The following PTPRD variants were observed in gnomAD, a reference collection of about 807,000 sequenced individuals.
PTPRD encodes the protein receptor-type tyrosine-protein phosphatase delta.
Under a neutral mutation model 214.5 loss-of-function variants are expected in PTPRD, and 34 were observed. That is an observed-to-expected ratio of 0.16 (90% CI 0.12 to 0.21). The LOEUF (loss-of-function observed/expected upper bound fraction) is 0.21. Ranked by LOEUF, PTPRD falls within the 10% of genes least tolerant of loss-of-function variation. The pLI is 1.00. For synonymous variants in PTPRD, 1,128 were observed against 845.7 expected, an observed-to-expected ratio of 1.33 and a Z score of -5.79; for missense variants, 2,545 against 2,398.7, an observed-to-expected ratio of 1.06 and a Z score of -1.27.
At chr9:9,853,781 T>G (rs9299101) in intron 5 of PTPRD, among the ~76,000 whole-genome samples, 1 of 151,936 alleles carries the variant, frequency 6.6e-6, no homozygotes, top group African/African-American at 2.4e-5. Context: ...TGGTCTCAAT[T>G]TCTTGACCTC....
chr9:8,788,530 C>T (rs946102229), intron 11 of PTPRD, among the ~76,000 whole-genome samples: 5 of 152,056 alleles, frequency 3.3e-5, no homozygotes, highest in African/African-American at 9.7e-5. Context: ...CCACCTCAGC[C>T]TCCCAAAGTG....
chr9:8,327,357 T>A (rs200358520), intron 44 of PTPRD, among the ~76,000 whole-genome samples: 42 of 143,490 alleles, frequency 2.9e-4, no homozygotes, highest in Admixed American at 7.7e-4. Context: ...TTTTTTTTTT[T>A]AAATCTTGAG....
At chr9:9,147,065 A>G (rs1486688148) in intron 10 of PTPRD, among the ~76,000 whole-genome samples, 1 of 152,176 alleles carries the variant, frequency 6.6e-6, no homozygotes, top group Non-Finnish European at 1.5e-5. Context: ...AATTGGAATA[A>G]TAAGTTAGTA....
chr9:8,403,712 G>C (rs1346232336), intron 36 of PTPRD, among the ~76,000 whole-genome samples: 1 of 152,136 alleles, frequency 6.6e-6, no homozygotes, highest in Non-Finnish European at 1.5e-5. Context: ...AATTCTAAGA[G>C]GCAGATTACC....
chr9:8,459,264 A>G (rs1380785249), intron 33 of PTPRD, among the ~76,000 whole-genome samples: 1 of 151,956 alleles, frequency 6.6e-6, no homozygotes, highest in East Asian at 1.9e-4. Flanking sequence ...AAATGAAGAT[A>G]CTCTTTTTAG....
chr9:9,880,632 T>C (rs765560502), intron 5 of PTPRD, among the ~76,000 whole-genome samples: 4 of 152,182 alleles, frequency 2.6e-5, no homozygotes, highest in Non-Finnish European at 5.9e-5. Flanking sequence ...TGGGACTCTG[T>C]GTGTGTTGTG....
intron 2 of PTPRD, among the ~76,000 whole-genome samples, chr9:10,398,501 T>C (rs1255658479): frequency 6.6e-6 from 1 of 151,974 alleles, no homozygotes; most frequent in Non-Finnish European, 1.5e-5. Context: ...TCTAGTGAAT[T>C]ATTAAAACTG....
chr9:8,478,866 A>G (rs1234595620), intron 30 of PTPRD, among the ~76,000 whole-genome samples: 2 of 152,238 alleles, frequency 1.3e-5, no homozygotes, highest in Non-Finnish European at 2.9e-5. Context: ...GTTAAGGAGT[A>G]GGGGCCAAGA....
At chr9:10,386,339 C>G (rs769900593) in intron 2 of PTPRD, among the ~76,000 whole-genome samples, 1 of 151,858 alleles carries the variant, frequency 6.6e-6, no homozygotes, top group African/African-American at 2.4e-5. Flanking sequence ...TCTTCTCATT[C>G]TCTCATATTT....
At chr9:10,056,858 A>G (rs955851853) in intron 3 of PTPRD, among the ~76,000 whole-genome samples, 2 of 152,200 alleles carry the variant, frequency 1.3e-5, no homozygotes, top group Non-Finnish European at 2.9e-5. Context: ...GCACAGAAGC[A>G]GGGACTTGCA....
chr9:9,384,582 C>T (rs564789562), intron 9 of PTPRD, among the ~76,000 whole-genome samples: 1 of 151,420 alleles, frequency 6.6e-6, no homozygotes, highest in South Asian at 2.1e-4. Flanking sequence ...CTAATTAAGC[C>T]AACTCCTAAA....
intron 11 of PTPRD, among the ~76,000 whole-genome samples, chr9:8,763,371 G>A (rs2094521953): frequency 6.6e-6 from 1 of 151,672 alleles, no homozygotes; most frequent in African/African-American, 2.4e-5. Flanking sequence ...AAAATTAGCT[G>A]GGTATGGTGG....
chr9:8,398,928 G>C (rs1441290178), intron 36 of PTPRD, among the ~76,000 whole-genome samples: 2 of 152,022 alleles, frequency 1.3e-5, no homozygotes, highest in East Asian at 1.9e-4. Flanking sequence ...ATTTTACTAA[G>C]CTTTTTAAAA....
At chr9:9,967,405 C>G (rs902111642) in intron 4 of PTPRD, among the ~76,000 whole-genome samples, 1 of 152,174 alleles carries the variant, frequency 6.6e-6, no homozygotes, top group African/African-American at 2.4e-5. Flanking sequence ...CAGTAAGCCT[C>G]TTCCCATCCT....
chr9:10,483,984 A>C (rs1317424591), intron 2 of PTPRD, among the ~76,000 whole-genome samples: 1 of 152,172 alleles, frequency 6.6e-6, no homozygotes, highest in African/African-American at 2.4e-5. Flanking sequence ...TGTATATCGC[A>C]GTAAAATTCA....
At chr9:9,689,392 G>C (rs1025281408) in intron 7 of PTPRD, among the ~76,000 whole-genome samples, 4 of 151,736 alleles carry the variant, frequency 2.6e-5, no homozygotes, top group African/African-American at 9.7e-5. Context: ...TGATATATAA[G>C]AGATGCACAT....
chr9:9,869,128 A>G (rs1368816410), intron 5 of PTPRD, among the ~76,000 whole-genome samples: 3 of 152,162 alleles, frequency 2.0e-5, no homozygotes, highest in African/African-American at 7.2e-5. Flanking sequence ...TGGAGGTAAA[A>G]TGAGGACAGA....
At chr9:8,485,185 T>A (rs1565190899) in intron 29 of PTPRD, 42 bp downstream of exon 29, 1 of 1,545,428 alleles carries the variant, frequency 6.5e-7, no homozygotes. Context: ...CTGTCCCCTC[T>A]ACTTTTATCT....
chr9:9,803,840 T>C (rs1275154166), intron 5 of PTPRD: 1 of 151,962 alleles, frequency 6.6e-6, no homozygotes, highest in Non-Finnish European at 1.5e-5. Flanking sequence ...CTTGGAGTAG[T>C]GTAATGAAAT....
Sources: allele counts gnomAD v4.1 joint callset (sites outside exome capture counted in the v4.1 genomes callset), GRCh38; gene constraint gnomAD v4.1.1; transcripts MANE v1.5; gene names NCBI Gene and HGNC (gene_info 2026-07-23, HGNC 2026-07-21).